CNBD1: variants seen among roughly 807,000 people sequenced by gnomAD.
The protein encoded by CNBD1 is cyclic nucleotide-binding domain-containing protein 1.
A neutral mutation model predicts 54.4 loss-of-function variants in CNBD1; 71 were observed. That is an observed-to-expected ratio of 1.30 (90% CI 1.08 to 1.59). The LOEUF (loss-of-function observed/expected upper bound fraction) is 1.59, where lower values mean the gene tolerates loss of function less well. Among genes scored for constraint, CNBD1 ranks in the 40% most tolerant of loss-of-function variants. The pLI, the probability that CNBD1 is intolerant of heterozygous loss-of-function variation, is 0.00. For missense variants in CNBD1, 659 were observed against 518.0 expected, an observed-to-expected ratio of 1.27 and a Z score of -2.64; for synonymous variants, 182 against 170.7, an observed-to-expected ratio of 1.07 and a Z score of -0.51.
chr8:86,971,117 C>T lies in CNBD1; in HGVS notation c.431+31363C>T, dbSNP rs569281130. 3.9e-5 allele frequency among the ~76,000 whole-genome samples: 6 copies of T among 152,236 alleles called. No homozygotes were observed. The South Asian group carries it at 1.2e-3, about 32-fold the overall frequency. ...TTTGTTTTCATACTGCTATAAAGAACTATCTGAGACTGGGCAACTTATAAA... is the reference window on the plus strand; with the variant it reads ...TTTGTTTTCATACTGCTATAAAGAATTATCTGAGACTGGGCAACTTATAAA... On this transcript the variant is annotated intron_variant, in intron 4 of 10. Coordinates refer to ENST00000518476, the MANE Select transcript of CNBD1 (RefSeq NM_173538.3).
intron 4 of CNBD1, among the ~76,000 whole-genome samples, chr8:87,118,239 CAGG>C (rs1175539684): frequency 6.9e-6 from 1 of 144,648 alleles, no homozygotes; most frequent in Non-Finnish European, 1.5e-5. Context: ...TGCTTGAACT[CAGG>C]AGGCGGAGGT....
chr8:87,245,215 T>C (rs1807780019), intron 6 of CNBD1, among the ~76,000 whole-genome samples: 1 of 151,992 alleles, frequency 6.6e-6, no homozygotes, highest in Non-Finnish European at 1.5e-5. Flanking sequence ...AAACAAACAT[T>C]GGGTCATAGT....
chr8:86,959,463 C>T (rs1039047784), intron 4 of CNBD1, among the ~76,000 whole-genome samples: 4 of 152,176 alleles, frequency 2.6e-5, no homozygotes, highest in African/African-American at 4.8e-5. Flanking sequence ...TGGTTCCATT[C>T]TCCCCGTCAC....
At chr8:87,003,139 G>A (rs1036314018) in intron 4 of CNBD1, among the ~76,000 whole-genome samples, 28 of 152,162 alleles carry the variant, frequency 1.8e-4, no homozygotes, top group African/African-American at 6.5e-4. Flanking sequence ...TTACAGCAGA[G>A]ATCTGAAAAA....
At chr8:87,022,591 A>G (rs1448187369) in intron 4 of CNBD1, among the ~76,000 whole-genome samples, 1 of 152,210 alleles carries the variant, frequency 6.6e-6, no homozygotes, top group African/African-American at 2.4e-5. Context: ...GATGACCTTG[A>G]TTACATTTTG....
In CNBD1 at chr8:87,163,715, G is replaced by A. The variant is rs892157042; in HGVS notation, c.432-42278G>A. 3.3e-5 allele frequency among the ~76,000 whole-genome samples: 5 copies of A among 151,536 alleles called. No individual in the cohort carries two copies. The highest frequency in any genetic ancestry group is 4.2e-4 in the South Asian group (2 of 4,816). On this transcript the variant is annotated intron_variant, in intron 4 of 10. Transcript: ENST00000518476. This position sits in a 1 kb window ranked among gnomAD's most constrained non-coding sequence, Gnocchi z 4.5. ...TAGTTCTAACAGTTTTTTTGTTGGC[G>A]TCTTTAGGGTTTTTTTTAAATATAA...
Position 87,206,053 on chromosome 8 carries a change from A to G in CNBD1, c.492A>G (p.Pro164=), listed in dbSNP as rs753757932. Residue 164 remains proline, a synonymous_variant, in exon 5 of 11, where the codon CCA becomes CCG. Coordinates refer to ENST00000518476, the MANE Select transcript of CNBD1 (RefSeq NM_173538.3). The stretch of plus-strand genomic sequence containing the variant: ...TGTGGAAGTTCCTGAAAACAATTCC[A>G]GATTTAACCTTTCAGCTAAATGATA... ...KTVWKFLKTI[P]DLTFQLNDKH... 5 of 1,605,072 alleles carry G rather than the reference A, an allele frequency of 3.1e-6. No individual in the cohort carries two copies. Among genetic ancestry groups the G allele is most frequent in the Non-Finnish European group, 3.4e-6 (4 of 1,175,800 alleles).
chr8:86,951,689 A>G (rs372071236), intron 4 of CNBD1, among the ~76,000 whole-genome samples: 34 of 151,114 alleles, frequency 2.2e-4, no homozygotes, highest in African/African-American at 8.0e-4. Context: ...ACAACAAAAG[A>G]CATCTTGTTT....
Position 87,279,548 on chromosome 8 carries a change from C to A in CNBD1, c.772-5130C>A, listed in dbSNP as rs548819205. Among the ~76,000 whole-genome samples, 3 of 151,354 alleles carry A rather than the reference C, an allele frequency of 2.0e-5. 1 individual carries two copies. The South Asian group carries it at 6.2e-4, about 31-fold the overall frequency. The stretch of plus-strand genomic sequence containing the variant: ...AAAATAACAGATAAACCAGATTATA[C>A]TAACCAGAAGGCCAAAGTAGCTGTA... On this transcript the variant is annotated intron_variant, in intron 6 of 10. Transcript: ENST00000518476.
intron 4 of CNBD1, among the ~76,000 whole-genome samples, chr8:87,059,049 T>A (rs1810486015): frequency 6.6e-6 from 1 of 152,128 alleles, no homozygotes; most frequent in Admixed American, 6.5e-5. Context: ...GTTTCACAGA[T>A]CTCTAGGGCA....
At chr8:86,914,789 A>G (rs1033975175) in intron 3 of CNBD1, among the ~76,000 whole-genome samples, 6 of 152,224 alleles carry the variant, frequency 3.9e-5, no homozygotes, top group Non-Finnish European at 5.9e-5. Flanking sequence ...GTGCACTCTC[A>G]GAAAGAAAAA....
chr8:87,278,335 T>G (rs927028522), intron 6 of CNBD1, among the ~76,000 whole-genome samples: 4 of 151,516 alleles, frequency 2.6e-5, no homozygotes, highest in African/African-American at 7.2e-5. Flanking sequence ...ATAACAGATT[T>G]AAGTTGCTGT....
intron 2 of CNBD1, among the ~76,000 whole-genome samples, chr8:87,421,912 T>C (rs1394204736): frequency 6.7e-6 from 1 of 148,362 alleles, no homozygotes; most frequent in African/African-American, 2.5e-5. Flanking sequence ...GTGTTCCTAT[T>C]TCTCCACATC....
At chr8:87,302,461 A>G (rs989858635) in intron 8 of CNBD1, among the ~76,000 whole-genome samples, 7 of 152,106 alleles carry the variant, frequency 4.6e-5, no homozygotes, top group African/African-American at 9.6e-5. Flanking sequence ...AAAACTCTCA[A>G]TAAATTAGGT....
chr8:87,045,737 A>C (rs1398241909), intron 4 of CNBD1, among the ~76,000 whole-genome samples: 2 of 149,708 alleles, frequency 1.3e-5, no homozygotes, highest in South Asian at 2.1e-4. Flanking sequence ...AAAAAAAAAA[A>C]AAAAAAACAG....
intron 4 of CNBD1, among the ~76,000 whole-genome samples, chr8:87,043,051 T>G (rs1810106686): frequency 6.6e-6 from 1 of 152,126 alleles, no homozygotes; most frequent in African/African-American, 2.4e-5. Flanking sequence ...AGAGAAAGTA[T>G]GAAGATATGT....
At chr8:87,126,829 G>A (rs1171997243) in intron 4 of CNBD1, among the ~76,000 whole-genome samples, 2 of 151,772 alleles carry the variant, frequency 1.3e-5, no homozygotes, top group Non-Finnish European at 2.9e-5. Flanking sequence ...TGTGAGCTGT[G>A]GGTTGAAGTT....
chr8:87,423,589 C>T (rs940948981), intron 2 of CNBD1, among the ~76,000 whole-genome samples: 24 of 148,424 alleles, frequency 1.6e-4, no homozygotes, highest in South Asian at 1.1e-3. Flanking sequence ...TATTGATTTG[C>T]GTATATTGAA....
At chr8:86,965,929 C>G (rs1462474088) in intron 4 of CNBD1, among the ~76,000 whole-genome samples, 1 of 152,038 alleles carries the variant, frequency 6.6e-6, no homozygotes, top group Non-Finnish European at 1.5e-5. Context: ...CCATTGTCTC[C>G]AGCTATCAGC....
Sources: gnomAD v4.1 joint callset for allele counts (sites outside exome capture counted in the v4.1 genomes callset) on GRCh38, gnomAD v4.1.1 for gene constraint, Gnocchi (gnomAD v3.1) non-coding constraint, MANE v1.5 for transcripts, NCBI Gene and HGNC (gene_info 2026-07-23, HGNC 2026-07-21) for gene names.